The following ENPP1 variants were observed in gnomAD, a reference collection of about 807,000 sequenced individuals.
The protein encoded by ENPP1 is ectonucleotide pyrophosphatase/phosphodiesterase 1.
A neutral mutation model predicts 122.8 loss-of-function variants in ENPP1; 73 were observed. That is an observed-to-expected ratio of 0.59 (90% CI 0.49 to 0.72). The LOEUF is 0.72. Ranked by LOEUF, ENPP1 falls within the 30% of genes least tolerant of loss-of-function variation. The probability of loss-of-function intolerance (pLI) is 0.00; values close to 1 mark genes in which losing one functional copy is unlikely to be tolerated. For synonymous variants in ENPP1, 367 were observed against 391.6 expected (o/e 0.94, Z 0.74); for missense variants, 978 against 1,128.1 (o/e 0.87, Z 1.91).
At chr6:131,825,036 G>A (rs886106685) in intron 1 of ENPP1, among the ~76,000 whole-genome samples, 4 of 151,988 alleles carry the variant, frequency 2.6e-5, no homozygotes, top group Non-Finnish European at 2.9e-5. Flanking sequence ...CTCCAGCCTG[G>A]GTGACAGAGC....
intron 13 of ENPP1, 69 bp from the exon 14 acceptor site, chr6:131,872,001 A>G (rs1427327636): frequency 1.0e-5 from 12 of 1,148,810 alleles, no homozygotes; most frequent in African/African-American, 3.0e-5. Flanking sequence ...CTGACATTCT[A>G]TATTTTTGTA....
At chr6:131,874,468 T>C in intron 16 of ENPP1, 131 bp downstream of exon 16, 1 of 637,814 alleles carries the variant, frequency 1.6e-6, no homozygotes, top group Non-Finnish European at 2.7e-6. Flanking sequence ...CATAAAGCTA[T>C]TTTTCTTTGA....
intron 1 of ENPP1, among the ~76,000 whole-genome samples, chr6:131,818,915 A>C (rs1447604629): frequency 6.6e-6 from 1 of 152,220 alleles, no homozygotes; most frequent in African/African-American, 2.4e-5. Context: ...TTTCTCAAAA[A>C]TGAGTGATGT....
intron 1 of ENPP1, among the ~76,000 whole-genome samples, chr6:131,831,132 A>G (rs1309947540): frequency 3.4e-4 from 52 of 151,334 alleles, no homozygotes; most frequent in African/African-American, 1.2e-3. Flanking sequence ...AAAAAAAAAA[A>G]AAAAAGAAAA....
At chr6:131,846,906 T>C (rs1424723375) in intron 1 of ENPP1, among the ~76,000 whole-genome samples, 7 of 152,180 alleles carry the variant, frequency 4.6e-5, no homozygotes, top group Non-Finnish European at 1.0e-4. Flanking sequence ...TGTCCACTTA[T>C]TTTAAAATGT....
intron 9 of ENPP1, among the ~76,000 whole-genome samples, chr6:131,863,803 CTA>C (rs1662948062): frequency 6.6e-6 from 1 of 151,308 alleles, no homozygotes; most frequent in African/African-American, 2.4e-5. Context: ...GTAGTCCCAG[CTA>C]CTCGGGAGGC....
At chr6:131,816,462 A>G (rs1489055554) in intron 1 of ENPP1, among the ~76,000 whole-genome samples, 1 of 152,232 alleles carries the variant, frequency 6.6e-6, no homozygotes, top group Non-Finnish European at 1.5e-5. Flanking sequence ...CTTGTGCAAC[A>G]AAACCTGATA....
chr6:131,878,878 T>G (rs866472915), intron 19 of ENPP1, among the ~76,000 whole-genome samples: 19 of 152,186 alleles, frequency 1.2e-4, no homozygotes, highest in Non-Finnish European at 4.4e-5. Flanking sequence ...TTTTTGATGA[T>G]TTCTGTAAGT....
At chr6:131,853,072 C>A (rs1781901314) in intron 5 of ENPP1, among the ~76,000 whole-genome samples, 1 of 152,070 alleles carries the variant, frequency 6.6e-6, no homozygotes. Context: ...ATTTTTACCT[C>A]TTTAAAATGA....
intron 13 of ENPP1, among the ~76,000 whole-genome samples, chr6:131,870,909 C>G (rs946081166): frequency 1.3e-5 from 2 of 152,094 alleles, no homozygotes; most frequent in African/African-American, 2.4e-5. Context: ...AAACCCGTCT[C>G]TATGAAAAAT....
At chr6:131,885,885 G>A (rs541072295) in intron 23 of ENPP1, among the ~76,000 whole-genome samples, 2 of 152,218 alleles carry the variant, frequency 1.3e-5, no homozygotes, top group East Asian at 3.9e-4. Context: ...CCTACCCACG[G>A]CTTCACCCAG....
At chr6:131,874,044 G>A (rs1249098470) in intron 15 of ENPP1, among the ~76,000 whole-genome samples, 1 of 152,086 alleles carries the variant, frequency 6.6e-6, no homozygotes, top group African/African-American at 2.4e-5. Context: ...CTTGATGCTA[G>A]TGGTTTTTCT....
chr6:131,850,099 A>G lies in ENPP1; in HGVS notation c.423A>G (p.Ile141Met), dbSNP rs762493996. The G allele has an allele frequency of 6.2e-7, 1 of 1,602,000 alleles. No homozygotes were observed. The highest frequency in any genetic ancestry group is 8.6e-7 in the Non-Finnish European group (1 of 1,168,884). ...NCCLDYQETC[I>M]EPEHIWTCNK... ...GTTTAGATTACCAGGAGACGTGCAT[A>G]GAACCAGGTAAGGATGAGCAGGGAA... The change falls in exon 3 of 25, where the codon ATA becomes ATG. Residue 141 changes from isoleucine (I) to methionine (M), a missense_variant. By Grantham distance (10) the Ile-to-Met change is conservative (BLOSUM62 1). Around this residue, in one of 3 missense-constraint regions of ENPP1, gnomAD observed 330 missense variants for 328.5 expected, o/e 1.00. Coordinates refer to ENST00000647893, the MANE Select transcript of ENPP1 (RefSeq NM_006208.3).
intron 1 of ENPP1, among the ~76,000 whole-genome samples, chr6:131,835,651 C>T (rs1302269680): frequency 6.6e-6 from 1 of 151,940 alleles, no homozygotes; most frequent in Non-Finnish European, 1.5e-5. Context: ...GGTGGTTTCC[C>T]GTACAGATCA....
At chr6:131,853,898 G>C (rs181413573) in intron 5 of ENPP1, among the ~76,000 whole-genome samples, 3 of 152,114 alleles carry the variant, frequency 2.0e-5, no homozygotes, top group Non-Finnish European at 4.4e-5. Context: ...CGTTTGTCAA[G>C]TATATTAGCA....
At chr6:131,853,426 C>A (rs1173622953) in intron 5 of ENPP1, among the ~76,000 whole-genome samples, 1 of 152,180 alleles carries the variant, frequency 6.6e-6, no homozygotes, top group Non-Finnish European at 1.5e-5. Flanking sequence ...ATAACCCTTT[C>A]TTTACAAGAA....
At chr6:131,848,952 T>C (rs556178360) in intron 2 of ENPP1, among the ~76,000 whole-genome samples, 1 of 152,200 alleles carries the variant, frequency 6.6e-6, no homozygotes, top group Admixed American at 6.5e-5. Context: ...TGGCAGTGTC[T>C]TTTTGGGTCA....
At chr6:131,834,142 A>G (rs1318699714) in intron 1 of ENPP1, among the ~76,000 whole-genome samples, 1 of 152,254 alleles carries the variant, frequency 6.6e-6, no homozygotes, top group Non-Finnish European at 1.5e-5. Flanking sequence ...CTTTAACTTC[A>G]GAGAGAAATG....
In ENPP1 at chr6:131,874,328, A is replaced by G; in HGVS notation, c.1626A>G (p.Ser542=). ...SGFHGSDNVF[S]NMQALFVGYG... The stretch of plus-strand genomic sequence containing the variant: ...TTCATGGCTCTGACAATGTATTTTC[A>G]AATATGCAAGTGAGTAAACCTATTA... The change falls in exon 16 of 25, where the codon TCA becomes TCG. Residue 542 remains serine, a synonymous_variant. Coordinates refer to ENST00000647893, the MANE Select transcript of ENPP1 (RefSeq NM_006208.3). 6.3e-7 allele frequency: 1 copy of G among 1,579,798 alleles called. No individual in the cohort carries two copies. Among genetic ancestry groups the G allele is most frequent in the Non-Finnish European group, 8.7e-7 (1 of 1,149,904 alleles).
Sources: gnomAD v4.1 joint callset for allele counts (sites outside exome capture counted in the v4.1 genomes callset) on GRCh38, gnomAD v4.1.1 for gene constraint, gnomAD v4.1.1 regional missense constraint, MANE v1.5 for transcripts, NCBI Gene and HGNC (gene_info 2026-07-23, HGNC 2026-07-21) for gene names.